CETN3: variants seen among roughly 807,000 people sequenced by gnomAD.
CETN3 encodes the protein centrin 3.
In CETN3, 17 loss-of-function variants were observed where a neutral mutation model predicts 20.1. The observed-to-expected ratio is 0.85, with a 90% CI of 0.58 to 1.27. The LOEUF is 1.27. Ranked by LOEUF, CETN3 falls within the 50% of genes most tolerant of loss-of-function variation. The probability of loss-of-function intolerance (pLI) is 0.00; values close to 1 mark genes in which losing one functional copy is unlikely to be tolerated. For missense variants in CETN3, 169 were observed against 191.2 expected (o/e 0.88, Z 0.69); for synonymous variants, 52 against 59.7 (o/e 0.87, Z 0.59).
intron 4 of CETN3, among the ~76,000 whole-genome samples, chr5:90,398,715 C>T (rs957456643): frequency 6.6e-6 from 1 of 152,150 alleles, no homozygotes; most frequent in Middle Eastern, 3.2e-3. Context: ...TCTGTAGGCA[C>T]TGAAGAATCG....
At chr5:90,403,406 AC>A (rs1561407800) in intron 3 of CETN3, among the ~76,000 whole-genome samples, 1 of 152,258 alleles carries the variant, frequency 6.6e-6, no homozygotes, top group Non-Finnish European at 1.5e-5. Context: ...TAGCTAAGAT[AC>A]ATGTTGACCC....
At chr5:90,404,606 GT>G (rs1284848110) in intron 3 of CETN3, among the ~76,000 whole-genome samples, 2 of 151,790 alleles carry the variant, frequency 1.3e-5, no homozygotes, top group African/African-American at 4.8e-5. Context: ...TCTGTGCTGT[GT>G]TTTTTTTCTC....
At chr5:90,407,089 T>C (rs879638433) in intron 2 of CETN3, among the ~76,000 whole-genome samples, 1 of 152,066 alleles carries the variant, frequency 6.6e-6, no homozygotes, top group Non-Finnish European at 1.5e-5. Context: ...AAATACTATC[T>C]TTCCCACTGT....
At chr5:90,402,444 A>G (rs1749317612) in intron 3 of CETN3, among the ~76,000 whole-genome samples, 1 of 152,154 alleles carries the variant, frequency 6.6e-6, no homozygotes, top group Non-Finnish European at 1.5e-5. Context: ...CAAACATGCT[A>G]TCCGTCTAGT....
At chr5:90,407,927 A>C in intron 1 of CETN3, 93 bp from the exon 2 acceptor site, 1 of 1,106,444 alleles carries the variant, frequency 9.0e-7, no homozygotes, top group Non-Finnish European at 1.2e-6. Flanking sequence ...TCAAAAAAGA[A>C]AGTACTTTGG....
intron 3 of CETN3, among the ~76,000 whole-genome samples, chr5:90,404,365 C>T (rs144667532): frequency 1.3e-5 from 2 of 152,264 alleles, no homozygotes; most frequent in African/African-American, 4.8e-5. Context: ...CTAATAGTAC[C>T]ATTTCCACTA....
chr5:90,397,723 T>G (rs1580160660), intron 4 of CETN3, among the ~76,000 whole-genome samples: 1 of 152,160 alleles, frequency 6.6e-6, no homozygotes, highest in Non-Finnish European at 1.5e-5. Flanking sequence ...GCACATTCTT[T>G]GCCATTTTGG....
chr5:90,396,060 A>G, intron 4 of CETN3: 1 of 935,648 alleles, frequency 1.1e-6, no homozygotes, highest in Non-Finnish European at 1.3e-6. Context: ...TACTAATAAG[A>G]AAAATTTAGG....
At position 90,399,582 on chromosome 5, in the gene CETN3, C is replaced by A. The variant is rs552172531; in HGVS notation, c.269-33G>T. On this transcript the variant is annotated intron_variant, in intron 3 of 4. Transcript: ENST00000283122. Reference sequence around the variant, plus strand: ...TTAAAAACATATATATTTTAATAAACCTGCATAATCACAAAGGCATTCATT... The same window carrying A: ...TTAAAAACATATATATTTTAATAAAACTGCATAATCACAAAGGCATTCATT... 1.7e-5 allele frequency: 26 copies of A among 1,518,124 alleles called. No homozygotes were observed. The East Asian group carries it at 5.9e-4, about 34-fold the overall frequency. The allele number at this position is 1,518,124 out of a possible 1,614,324, so 94.0% of individuals were successfully genotyped here. A position where few individuals can be genotyped will look rare whatever the true frequency, so the allele number is the denominator to read the frequency against.
chr5:90,408,817 A>T (rs1215014226), intron 1 of CETN3, among the ~76,000 whole-genome samples: 3 of 150,570 alleles, frequency 2.0e-5, no homozygotes, highest in Admixed American at 6.6e-5. Flanking sequence ...AAAAAAAAAA[A>T]GCTAGGAAGT....
intron 4 of CETN3, among the ~76,000 whole-genome samples, chr5:90,398,764 T>C (rs1272013697): frequency 6.6e-6 from 1 of 152,192 alleles, no homozygotes; most frequent in African/African-American, 2.4e-5. Flanking sequence ...TTATCAAATG[T>C]ATATTTTAGG....
intron 4 of CETN3, among the ~76,000 whole-genome samples, chr5:90,395,496 G>C (rs1749117896): frequency 6.6e-6 from 1 of 151,774 alleles, no homozygotes; most frequent in African/African-American, 2.4e-5. Context: ...TATGAGACTG[G>C]CTAATCGTTG....
At chr5:90,405,006 T>C (rs1749398670) in intron 3 of CETN3, among the ~76,000 whole-genome samples, 1 of 152,192 alleles carries the variant, frequency 6.6e-6, no homozygotes, top group South Asian at 2.1e-4. Context: ...ATATATGCTA[T>C]AAATAATTCA....
In CETN3 at chr5:90,392,443, T is replaced by TA. The variant is rs1450622212; in HGVS notation, c.*1620dup. On this transcript the variant is annotated 3_prime_UTR_variant, in exon 5 of 5. Transcript: ENST00000283122. ...AGTTTTACTCTAGTTAACCTGCTGATATAGTTTGTATATCTGTCCCCACTC... is the reference window on the plus strand; with the variant it reads ...AGTTTTACTCTAGTTAACCTGCTGATAATAGTTTGTATATCTGTCCCCACTC... 2.6e-5 allele frequency: 4 copies of TA among 152,210 alleles called. No individual in the cohort carries two copies. Among genetic ancestry groups the TA allele is most frequent in the African/African-American group, 9.6e-5 (4 of 41,460 alleles). 9.4% of individuals were successfully genotyped at this position (152,210 alleles called of 1,614,324 possible).
chr5:90,394,002 G>C lies in CETN3; in HGVS notation c.*62C>G, dbSNP rs540167628. The C allele has an allele frequency of 1.7e-6, 2 of 1,184,110 alleles. No individual in the cohort carries two copies. Among genetic ancestry groups the C allele is most frequent in the African/African-American group, 3.1e-5 (2 of 64,946 alleles). The allele number at this position is 1,184,110 out of a possible 1,614,324, so 73.4% of individuals were successfully genotyped here. On this transcript the variant is annotated 3_prime_UTR_variant, in exon 5 of 5. Coordinates refer to ENST00000283122, the MANE Select transcript of CETN3 (RefSeq NM_004365.4). ...AGTTGGTTTTTTTCACATGGCTCCAGGCACAAAAATAGAATATAAGATGGT... is the reference window on the plus strand; with the variant it reads ...AGTTGGTTTTTTTCACATGGCTCCACGCACAAAAATAGAATATAAGATGGT...
intron 4 of CETN3, 91 bp from the exon 5 acceptor site, chr5:90,394,198 A>G: frequency 3.6e-6 from 3 of 827,342 alleles, no homozygotes; most frequent in Non-Finnish European, 3.8e-6. Flanking sequence ...AGTATTTAAA[A>G]AATTTTACAT....
chr5:90,403,100 CTTAAA>C (rs1749342878), intron 3 of CETN3, among the ~76,000 whole-genome samples: 2 of 152,298 alleles, frequency 1.3e-5, no homozygotes, highest in East Asian at 1.9e-4. Context: ...TGACTCTAAA[CTTAAA>C]TTAAATATAT....
chr5:90,406,850 AAAAAAC>A (rs1300222286), intron 2 of CETN3, among the ~76,000 whole-genome samples: 1 of 144,706 alleles, frequency 6.9e-6, no homozygotes, highest in Non-Finnish European at 1.5e-5. Context: ...CAAAAAAAAA[AAAAAAC>A]AAAAAAAACA....
intron 2 of CETN3, among the ~76,000 whole-genome samples, chr5:90,406,790 A>G (rs1433556124): frequency 1.4e-5 from 2 of 143,342 alleles, no homozygotes; most frequent in Non-Finnish European, 3.1e-5. Flanking sequence ...AAGATAGTCA[A>G]TGGTTACAAA....
Sources: gnomAD v4.1 joint callset for allele counts (sites outside exome capture counted in the v4.1 genomes callset) on GRCh38, gnomAD v4.1.1 for gene constraint, MANE v1.5 for transcripts, NCBI Gene and HGNC (gene_info 2026-07-23, HGNC 2026-07-21) for gene names.